Variants in STAU2 observed in about 807,000 individuals in gnomAD.
The protein encoded by STAU2 is double-stranded RNA-binding protein Staufen homolog 2.
In STAU2, 20 loss-of-function variants were observed where a neutral mutation model predicts 65.9. That is an observed-to-expected ratio of 0.30 (90% CI 0.21 to 0.44). The LOEUF (loss-of-function observed/expected upper bound fraction) is 0.44, where lower values mean the gene tolerates loss of function less well. Among genes scored for constraint, STAU2 ranks in the 20% least tolerant of loss-of-function variants. The probability of loss-of-function intolerance (pLI) is 1.00; values close to 1 mark genes in which losing one functional copy is unlikely to be tolerated. For synonymous variants in STAU2, 232 were observed against 233.9 expected (o/e 0.99, Z 0.07); for missense variants, 558 against 683.9 (o/e 0.82, Z 2.05).
At chr8:73,515,434 G>T (rs1309093535) in intron 13 of STAU2, among the ~76,000 whole-genome samples, 1 of 152,206 alleles carries the variant, frequency 6.6e-6, no homozygotes, top group Non-Finnish European at 1.5e-5. Context: ...GTGGAATTCT[G>T]TCAACCTTCA....
At chr8:73,587,034 T>C (rs929093164) in intron 11 of STAU2, among the ~76,000 whole-genome samples, 1 of 152,036 alleles carries the variant, frequency 6.6e-6, no homozygotes, top group East Asian at 1.9e-4. Flanking sequence ...AATACACATA[T>C]AAAATACACA....
chr8:73,655,460 T>C (rs2130272964), intron 6 of STAU2, among the ~76,000 whole-genome samples: 1 of 152,178 alleles, frequency 6.6e-6, no homozygotes, highest in Non-Finnish European at 1.5e-5. Context: ...TAATTTCATA[T>C]TTTATAACTA....
chr8:73,461,408 G>A (rs1819343470), intron 13 of STAU2, among the ~76,000 whole-genome samples: 1 of 152,062 alleles, frequency 6.6e-6, no homozygotes, highest in African/African-American at 2.4e-5. Flanking sequence ...GGAAGATGGG[G>A]CTCAGAGGAG....
intron 13 of STAU2, among the ~76,000 whole-genome samples, chr8:73,449,315 C>T (rs904913364): frequency 9.9e-5 from 15 of 152,180 alleles, no homozygotes; most frequent in Non-Finnish European, 1.8e-4. Context: ...CAGGTGGCGG[C>T]CTTCTGGCTG....
chr8:73,733,861 C>T (rs911002475), intron 3 of STAU2, among the ~76,000 whole-genome samples: 16 of 152,168 alleles, frequency 1.1e-4, no homozygotes, highest in African/African-American at 3.9e-4. Context: ...AGCTATACAC[C>T]AAATATCTTT....
At chr8:73,652,724 C>CA (rs35114291) in intron 6 of STAU2, 7,069 of 95,862 alleles carry the variant, frequency 0.074, 466 homozygotes, top group African/African-American at 0.21. Context: ...GACTCTGTCC[C>CA]AAAAAAAAAA....
At chr8:73,462,469 C>T (rs1427741972) in intron 13 of STAU2, among the ~76,000 whole-genome samples, 1 of 152,030 alleles carries the variant, frequency 6.6e-6, no homozygotes, top group Non-Finnish European at 1.5e-5. Flanking sequence ...GATCATGGCC[C>T]ACTGCAACCT....
intron 13 of STAU2, among the ~76,000 whole-genome samples, chr8:73,431,844 T>C (rs1817323848): frequency 6.6e-6 from 1 of 152,172 alleles, no homozygotes; most frequent in Non-Finnish European, 1.5e-5. Context: ...AATTTGCAAA[T>C]AGTGTTGAAA....
At chr8:73,590,087 G>A (rs998162415) in intron 11 of STAU2, among the ~76,000 whole-genome samples, 1 of 148,434 alleles carries the variant, frequency 6.7e-6, no homozygotes, top group Non-Finnish European at 1.5e-5. Flanking sequence ...GGAGAAGGAA[G>A]TAGGGGGAGA....
intron 13 of STAU2, among the ~76,000 whole-genome samples, chr8:73,528,317 T>G (rs1805580046): frequency 6.6e-6 from 1 of 152,200 alleles, no homozygotes; most frequent in East Asian, 1.9e-4. Flanking sequence ...GACATTACAA[T>G]CAAATTGAAT....
At chr8:73,595,498 T>C (rs1232578769) in intron 10 of STAU2, among the ~76,000 whole-genome samples, 1 of 152,150 alleles carries the variant, frequency 6.6e-6, no homozygotes, top group Non-Finnish European at 1.5e-5. Context: ...CAATGGAGGA[T>C]TATCTCAGGA....
chr8:73,512,085 G>A (rs547784264), intron 13 of STAU2, among the ~76,000 whole-genome samples: 2 of 152,080 alleles, frequency 1.3e-5, no homozygotes, highest in Admixed American at 1.3e-4. Flanking sequence ...TTCATTTCTG[G>A]ACTCTCAATT....
intron 13 of STAU2, among the ~76,000 whole-genome samples, chr8:73,546,975 T>C (rs1806980687): frequency 6.6e-6 from 1 of 152,244 alleles, no homozygotes; most frequent in Admixed American, 6.5e-5. Flanking sequence ...TTCCAAGTAG[T>C]AGAATTTTCA....
chr8:73,743,774 A>AT (rs202012327), intron 1 of STAU2, among the ~76,000 whole-genome samples: 7,267 of 123,518 alleles, frequency 0.059, 222 homozygotes, highest in African/African-American at 0.073. Flanking sequence ...ATGCCCGGAC[A>AT]TTTTTTTTTT....
chr8:73,608,249 G>C (rs1013329082), intron 9 of STAU2, among the ~76,000 whole-genome samples: 1 of 152,142 alleles, frequency 6.6e-6, no homozygotes, highest in Non-Finnish European at 1.5e-5. Context: ...CAGGTTAATA[G>C]ATGTCTGTGA....
chr8:73,665,775 T>C (rs1482476632), intron 6 of STAU2, among the ~76,000 whole-genome samples: 1 of 152,106 alleles, frequency 6.6e-6, no homozygotes. Flanking sequence ...CCTTACCCCC[T>C]ACAGATACCA....
intron 5 of STAU2, among the ~76,000 whole-genome samples, chr8:73,678,113 T>C (rs1281973324): frequency 6.6e-6 from 1 of 152,160 alleles, no homozygotes; most frequent in Non-Finnish European, 1.5e-5. Flanking sequence ...GTGAGTCTCT[T>C]TCTTTCTTCA....
intron 4 of STAU2, among the ~76,000 whole-genome samples, chr8:73,702,836 TG>T (rs1820210096): frequency 6.6e-6 from 1 of 152,170 alleles, no homozygotes; most frequent in East Asian, 1.9e-4. Flanking sequence ...GAAACCACAA[TG>T]AGATTCCACC....
At chr8:73,585,487 T>C (rs553562042) in intron 11 of STAU2, among the ~76,000 whole-genome samples, 2 of 152,204 alleles carry the variant, frequency 1.3e-5, no homozygotes, top group Non-Finnish European at 2.9e-5. Flanking sequence ...TCTCAAAACA[T>C]GTATATATTA....
Sources: gnomAD v4.1 joint callset for allele counts (sites outside exome capture counted in the v4.1 genomes callset) on GRCh38, gnomAD v4.1.1 for gene constraint, MANE v1.5 for transcripts, NCBI Gene and HGNC (gene_info 2026-07-23, HGNC 2026-07-21) for gene names.